Variants in ACTR3C observed in about 807,000 individuals in gnomAD.
ACTR3C encodes the protein actin-related protein 3C.
ACTR3C carries 18 observed loss-of-function variants against 26.3 expected under a neutral mutation model. The ratio of observed to expected loss-of-function variants is 0.68; its 90% CI spans 0.47 to 1.01. ACTR3C has a LOEUF of 1.01. ACTR3C is among the 50% of genes least tolerant of loss of function. ACTR3C has a pLI of 0.00. For missense variants in ACTR3C, 184 were observed against 250.7 expected (o/e 0.73, Z 1.80); for synonymous variants, 55 against 94.5 (o/e 0.58, Z 2.42).
At chr7:150,167,599 A>T in the ACTR3C span, among the ~76,000 whole-genome samples, 3 of 150,874 alleles carry the variant, frequency 2.0e-5, 1 homozygote, top group African/African-American at 7.5e-5. Flanking sequence ...CTTGCTACAC[A>T]CATGGATGAG....
At chr7:150,034,754 C>T in the ACTR3C span, among the ~76,000 whole-genome samples, 272 of 151,012 alleles carry the variant, frequency 1.8e-3, 7 homozygotes, top group African/African-American at 6.4e-3. Flanking sequence ...ATCCTAGGAT[C>T]AACGAAGGGG....
At chr7:150,037,579 G>GA in the ACTR3C span, among the ~76,000 whole-genome samples, 1 of 33,690 alleles carries the variant, frequency 3.0e-5, no homozygotes, top group South Asian at 9.6e-4. Context: ...GAACCCGGGG[G>GA]GGAAGAGGGA....
chr7:150,022,648 TC>T, the ACTR3C span, among the ~76,000 whole-genome samples: 1 of 152,090 alleles, frequency 6.6e-6, no homozygotes, highest in Non-Finnish European at 1.5e-5. Flanking sequence ...ATTTAACCTT[TC>T]TTTTTCTATT....
At chr7:150,152,259 T>A in the ACTR3C span, among the ~76,000 whole-genome samples, 2 of 152,132 alleles carry the variant, frequency 1.3e-5, no homozygotes, top group African/African-American at 4.8e-5. Flanking sequence ...CCATTCAGTA[T>A]GATATTGGCT....
chr7:150,285,572 G>A (rs191399040), intron 5 of ACTR3C, among the ~76,000 whole-genome samples: 1 of 152,156 alleles, frequency 6.6e-6, no homozygotes, highest in Admixed American at 6.5e-5. Context: ...ACTATTAAAA[G>A]TGAGCATTCA....
At chr7:149,913,436 C>T in the ACTR3C span, among the ~76,000 whole-genome samples, 2 of 152,064 alleles carry the variant, frequency 1.3e-5, no homozygotes, top group Admixed American at 1.3e-4. Flanking sequence ...CAAAGTGTTC[C>T]TCAAAATGTT....
At chr7:150,031,603 G>T in the ACTR3C span, among the ~76,000 whole-genome samples, 30 of 152,270 alleles carry the variant, frequency 2.0e-4, 1 homozygote, top group East Asian at 5.0e-3. Flanking sequence ...CAGGACTCAG[G>T]CTTCTCCAAG....
At chr7:149,950,470 G>A in the ACTR3C span, among the ~76,000 whole-genome samples, 3 of 151,772 alleles carry the variant, frequency 2.0e-5, no homozygotes, top group Non-Finnish European at 1.5e-5. Flanking sequence ...AGGTATCAGG[G>A]TACACAGGAA....
At chr7:150,250,419 G>T (rs1832765893) in intron 6 of ACTR3C, among the ~76,000 whole-genome samples, 1 of 151,678 alleles carries the variant, frequency 6.6e-6, no homozygotes, top group African/African-American at 2.4e-5. Context: ...TAGCCAGGAT[G>T]GTCTTGACCT....
chr7:150,198,045 T>A, the ACTR3C span, among the ~76,000 whole-genome samples: 1 of 151,356 alleles, frequency 6.6e-6, no homozygotes, highest in African/African-American at 2.5e-5. Context: ...GGGGTTTCGC[T>A]GTGTTGGCCG....
At chr7:150,288,759 T>C (rs181682524) in intron 4 of ACTR3C, among the ~76,000 whole-genome samples, 5 of 145,426 alleles carry the variant, frequency 3.4e-5, no homozygotes, top group Admixed American at 6.7e-5. Context: ...ATTTCAGCAC[T>C]GAGAGCCCCC....
intron 6 of ACTR3C, among the ~76,000 whole-genome samples, chr7:150,264,184 A>G (rs1314304182): frequency 6.6e-6 from 1 of 152,224 alleles, no homozygotes; most frequent in Non-Finnish European, 1.5e-5. Flanking sequence ...GGGGCCAAAC[A>G]TCCCTCATTC....
the ACTR3C span, among the ~76,000 whole-genome samples, chr7:150,211,951 G>A: frequency 1.4e-5 from 2 of 146,376 alleles, no homozygotes; most frequent in African/African-American, 2.8e-5. Context: ...ATTTTAAAAC[G>A]TCTCATAATG....
chr7:149,950,033 C>T, the ACTR3C span, among the ~76,000 whole-genome samples: 1 of 148,644 alleles, frequency 6.7e-6, no homozygotes. Flanking sequence ...GAAGTGCACC[C>T]AGGGGAGCAG....
At chr7:150,105,237 C>A in the ACTR3C span, among the ~76,000 whole-genome samples, 1 of 151,746 alleles carries the variant, frequency 6.6e-6, no homozygotes, top group African/African-American at 2.4e-5. Flanking sequence ...CATCCACCAC[C>A]ACCCCTGGCT....
chr7:150,083,302 A>C, the ACTR3C span, among the ~76,000 whole-genome samples: 6 of 151,974 alleles, frequency 3.9e-5, no homozygotes, highest in Admixed American at 3.9e-4. Flanking sequence ...ACGGTGGCTC[A>C]CATCTGTAAT....
chr7:150,072,554 G>A, the ACTR3C span, among the ~76,000 whole-genome samples: 24,295 of 142,604 alleles, frequency 0.17, 1,507 homozygotes, highest in African/African-American at 0.21. Flanking sequence ...CGAGGGTGGG[G>A]ACCCAGGACG....
At chr7:149,945,231 TG>T in the ACTR3C span, among the ~76,000 whole-genome samples, 1 of 151,868 alleles carries the variant, frequency 6.6e-6, no homozygotes, top group Non-Finnish European at 1.5e-5. Flanking sequence ...GAATGCCATC[TG>T]GAAGTGAAAG....
the ACTR3C span, among the ~76,000 whole-genome samples, chr7:149,990,816 G>A: frequency 1.3e-5 from 2 of 152,196 alleles, no homozygotes; most frequent in African/African-American, 4.8e-5. Flanking sequence ...GATGGAGTGG[G>A]CAGGCACATA....
Sources: allele counts gnomAD v4.1 joint callset (sites outside exome capture counted in the v4.1 genomes callset), GRCh38; gene constraint gnomAD v4.1.1; transcripts MANE v1.5; gene names NCBI Gene and HGNC (gene_info 2026-07-23, HGNC 2026-07-21).